The following RIMS2 variants were observed in gnomAD, a reference collection of about 807,000 sequenced individuals.
RIMS2 encodes regulating synaptic membrane exocytosis 2.
In RIMS2, 59 loss-of-function variants were observed where a neutral mutation model predicts 174.4. The observed-to-expected ratio is 0.34, with a 90% CI of 0.27 to 0.42. The LOEUF (loss-of-function observed/expected upper bound fraction) is 0.42, where lower values mean the gene tolerates loss of function less well. Ranked by LOEUF, RIMS2 falls within the 10% of genes least tolerant of loss-of-function variation. RIMS2 has a pLI of 1.00. For missense variants in RIMS2, 1,620 were observed against 1,666.3 expected, an observed-to-expected ratio of 0.97 and a Z score of 0.48; for synonymous variants, 606 against 572.5, an observed-to-expected ratio of 1.06 and a Z score of -0.84.
chr8:104,133,396 G>A (rs2098489555), intron 19 of RIMS2, among the ~76,000 whole-genome samples: 1 of 152,140 alleles, frequency 6.6e-6, no homozygotes, highest in African/African-American at 2.4e-5. Flanking sequence ...TTTTTCCAAG[G>A]AGAAGGGACA....
intron 19 of RIMS2, among the ~76,000 whole-genome samples, chr8:104,155,409 C>CTTT (rs10578958): frequency 1.1e-4 from 9 of 81,014 alleles, no homozygotes; most frequent in East Asian, 8.0e-4. Flanking sequence ...CCCGGCCTTG[C>CTTT]TTTTTTTTTT....
At chr8:104,206,168 T>G (rs1434446709) in intron 19 of RIMS2, among the ~76,000 whole-genome samples, 2 of 152,220 alleles carry the variant, frequency 1.3e-5, no homozygotes, top group Non-Finnish European at 2.9e-5. Context: ...CACTGGTTTC[T>G]GTAATTGTCA....
chr8:103,661,892 T>C (rs1431971897), intron 1 of RIMS2, among the ~76,000 whole-genome samples: 1 of 152,222 alleles, frequency 6.6e-6, no homozygotes, highest in Non-Finnish European at 1.5e-5. Flanking sequence ...AGTGATATGA[T>C]ATGATTTGTT....
At chr8:103,917,458 G>C (rs1285000828) in intron 8 of RIMS2, among the ~76,000 whole-genome samples, 1 of 151,838 alleles carries the variant, frequency 6.6e-6, no homozygotes, top group African/African-American at 2.4e-5. Flanking sequence ...TTTATATTAT[G>C]GTAAAACTGC....
intron 16 of RIMS2, among the ~76,000 whole-genome samples, chr8:103,980,953 C>A (rs563544753): frequency 6.6e-6 from 1 of 152,276 alleles, no homozygotes; most frequent in South Asian, 2.1e-4. Context: ...TGACCCCAAT[C>A]CCTAGCTCCC....
chr8:104,138,102 T>C (rs1239015025), intron 19 of RIMS2, among the ~76,000 whole-genome samples: 1 of 152,188 alleles, frequency 6.6e-6, no homozygotes, highest in Non-Finnish European at 1.5e-5. Flanking sequence ...GTTCCATCCA[T>C]GTTGTTGTAA....
In RIMS2 at chr8:104,175,304, T is replaced by A. The variant is rs189156702; in HGVS notation, c.3335-69612T>A. ...TAAATTTCCTGTTAACTTTAAAAAA[T>A]TTTTTTGTGTATATATTTTTATTGT... is the stretch of plus-strand genomic sequence containing the variant. On this transcript the variant is annotated intron_variant, in intron 19 of 23. Transcript: ENST00000504942. Among the ~76,000 whole-genome samples, 1,173 of 152,202 alleles carry A rather than the reference T, an allele frequency of 7.7e-3. 17 individuals carry two copies. Among genetic ancestry groups the A allele is most frequent in the African/African-American group, 0.023 (944 of 41,538 alleles).
chr8:103,995,125 T>C (rs2094994914), intron 17 of RIMS2, among the ~76,000 whole-genome samples: 1 of 152,112 alleles, frequency 6.6e-6, no homozygotes, highest in African/African-American at 2.4e-5. Flanking sequence ...CTTCTGTTTA[T>C]GTTTCTAGAA....
intron 3 of RIMS2, among the ~76,000 whole-genome samples, chr8:103,791,730 A>G (rs1399902145): frequency 1.3e-5 from 2 of 152,186 alleles, no homozygotes; most frequent in Admixed American, 1.3e-4. Context: ...AGGAAGATCT[A>G]CCAAGCAAAT....
chr8:104,136,247 A>T (rs1253896753), intron 19 of RIMS2, among the ~76,000 whole-genome samples: 1 of 152,152 alleles, frequency 6.6e-6, no homozygotes, highest in Non-Finnish European at 1.5e-5. Flanking sequence ...TCCAATTTTA[A>T]TTAACATTTA....
At chr8:103,984,036 T>C (rs991639344) in intron 16 of RIMS2, among the ~76,000 whole-genome samples, 10 of 151,940 alleles carry the variant, frequency 6.6e-5, no homozygotes, top group African/African-American at 2.4e-4. Flanking sequence ...ATAGCAGGCG[T>C]GGTGGCGGGC....
Position 104,013,630 on chromosome 8 carries a change from T to C in RIMS2, c.3224+9T>C, listed in dbSNP as rs1005729489. The C allele has an allele frequency of 1.9e-6, 3 of 1,610,508 alleles. No homozygotes were observed. In the African/African-American group the frequency reaches 4.0e-5, roughly 22 times the overall value. ...TCACCTGCCTTATCGAGGTGAAAGA[T>C]AAATCAATCAGACTAATTTCCCCTT... On this transcript the variant is annotated intron_variant, in intron 18 of 23. Coordinates refer to ENST00000504942, the Ensembl canonical transcript of RIMS2.
intron 19 of RIMS2, among the ~76,000 whole-genome samples, chr8:104,184,484 T>C (rs1469185308): frequency 6.6e-6 from 1 of 151,582 alleles, no homozygotes; most frequent in Non-Finnish European, 1.5e-5. Context: ...TACCTCATGA[T>C]ATCTAAACAA....
intron 1 of RIMS2, among the ~76,000 whole-genome samples, chr8:103,506,391 C>G (rs796622201): frequency 8.5e-5 from 13 of 152,116 alleles, no homozygotes; most frequent in Non-Finnish European, 1.2e-4. Context: ...TGAACTTTGA[C>G]TTGACACCTT....
chr8:103,882,942 A>G (rs72681351), intron 3 of RIMS2, among the ~76,000 whole-genome samples: 20,129 of 151,560 alleles, frequency 0.13, 1,820 homozygotes, highest in Non-Finnish European at 0.2. Flanking sequence ...TTTAACTTCT[A>G]TCCTAAAATA....
At chr8:104,188,667 G>A (rs2098982196) in intron 19 of RIMS2, among the ~76,000 whole-genome samples, 1 of 151,690 alleles carries the variant, frequency 6.6e-6, no homozygotes, top group African/African-American at 2.4e-5. Context: ...CAATATGTAA[G>A]CTTAAAAATA....
chr8:103,500,736 T>G, upstream of RIMS2: 1 of 524,318 alleles, frequency 1.9e-6, no homozygotes, highest in Non-Finnish European at 3.4e-6. Flanking sequence ...CTGCTTTTCT[T>G]GGGGGAGGGG....
exon 2 of RIMS2, chr8:103,697,104 T>G: frequency 6.2e-7 from 1 of 1,613,170 alleles, no homozygotes; most frequent in Non-Finnish European, 8.5e-7. Context: ...ATCAGCAGTT[T>G]GAAATGTATA....
intron 19 of RIMS2, among the ~76,000 whole-genome samples, chr8:104,170,720 T>G (rs2098827163): frequency 6.6e-6 from 1 of 152,028 alleles, no homozygotes; most frequent in South Asian, 2.1e-4. Flanking sequence ...CCTAGATACT[T>G]TTTTTTCAAT....
Sources: allele counts gnomAD v4.1 joint callset (sites outside exome capture counted in the v4.1 genomes callset), GRCh38; gene constraint gnomAD v4.1.1; transcripts MANE v1.5; gene names NCBI Gene and HGNC (gene_info 2026-07-23, HGNC 2026-07-21).